The following SMARCA1 variants were observed in gnomAD, a reference collection of about 807,000 sequenced individuals.
SMARCA1 encodes the protein SNF2 related chromatin remodeling ATPase 1.
SMARCA1 carries 17 observed loss-of-function variants against 93.6 expected under a neutral mutation model. The observed-to-expected ratio is 0.18, with a 90% confidence interval of 0.12 to 0.27. The LOEUF (loss-of-function observed/expected upper bound fraction) is 0.27, where lower values mean the gene tolerates loss of function less well. SMARCA1 is among the 10% of genes least tolerant of loss of function. The pLI, the probability that SMARCA1 is intolerant of heterozygous loss-of-function variation, is 1.00. For missense variants in SMARCA1, 630 were observed against 819.0 expected (o/e 0.77, Z 2.82); for synonymous variants, 271 against 271.4 (o/e 1.00, Z 0.01).
intron 12 of SMARCA1, among the ~76,000 whole-genome samples, chrX:129,496,343 A>C (rs1345469109): frequency 9.2e-6 from 1 of 108,896 alleles, no homozygotes; most frequent in Non-Finnish European, 1.9e-5. Flanking sequence ...AGGGTTGCTT[A>C]TAAACTGGCA....
intron 21 of SMARCA1, among the ~76,000 whole-genome samples, chrX:129,467,121 T>C (rs1175168217): frequency 3.6e-5 from 4 of 112,211 alleles, no homozygotes; most frequent in African/African-American, 1.3e-4. Flanking sequence ...ACACTTGCTA[T>C]GTACAGGATA....
chrX:129,481,374 A>T (rs749522084), intron 17 of SMARCA1, among the ~76,000 whole-genome samples, 189 bp from the exon 18 acceptor site: 17 of 112,628 alleles, frequency 1.5e-4, no homozygotes, highest in Admixed American at 1.1e-3. Context: ...AGATGCAAAG[A>T]CAGTTTTCTT....
At position 129,470,431 on chromosome X, in the gene SMARCA1, C is replaced by A. The variant is rs1208338614; in HGVS notation, c.2565+773G>T. 2.7e-5 allele frequency among the ~76,000 whole-genome samples: 3 copies of A among 110,687 alleles called. No homozygotes were observed. The East Asian group carries it at 8.3e-4, about 31-fold the overall frequency. ...AATAATAAAAGCTTCAGAAATCTCT[C>A]ATCATTGTATGAAAATTATAAAAAA... On this transcript the variant is annotated intron_variant, in intron 20 of 24. Transcript: ENST00000371121.
chrX:129,459,874 G>A (rs1932776288), intron 23 of SMARCA1, among the ~76,000 whole-genome samples: 1 of 112,044 alleles, frequency 8.9e-6, no homozygotes, highest in Non-Finnish European at 1.9e-5. Flanking sequence ...TTGTGGCCGG[G>A]CACAGTGGCT....
chrX:129,471,162 A>T (rs933677081), intron 20 of SMARCA1, 42 bp downstream of exon 20: 1 of 1,094,996 alleles, frequency 9.1e-7, no homozygotes, highest in African/African-American at 1.9e-5. Context: ...CTTTTTTTCT[A>T]TTGATTGACT....
chrX:129,492,861 G>A (rs1934180649), intron 13 of SMARCA1, among the ~76,000 whole-genome samples, 179 bp downstream of exon 13: 1 of 111,054 alleles, frequency 9.0e-6, no homozygotes, highest in Middle Eastern at 4.3e-3. Context: ...TCAAATAAAT[G>A]CAAACTAAAA....
rs760471373 is a variant in SMARCA1 at position 129,513,752 on chromosome X, G to C, written c.631-1769C>G. ...CTCCTCCCCCTCTGAGCTGACAACA[G>C]TCTTCAAACTAGAATACCTAAATAT... On this transcript the variant is annotated intron_variant, in intron 5 of 24. Coordinates refer to ENST00000371121, the MANE Select transcript of SMARCA1 (RefSeq NM_001282874.2). Among the ~76,000 whole-genome samples the C allele has an allele frequency of 4.6e-5, 5 of 109,551 alleles. No homozygotes were observed. The South Asian group carries it at 1.9e-3, about 42-fold the overall frequency.
chrX:129,504,703 T>C, intron 9 of SMARCA1, 31 bp downstream of exon 9: 2 of 1,026,286 alleles, frequency 1.9e-6, no homozygotes, highest in African/African-American at 3.7e-5. Flanking sequence ...TACTATTTAA[T>C]TACTGAATGT....
At chrX:129,495,774 CTT>C (rs752253528) in intron 12 of SMARCA1, among the ~76,000 whole-genome samples, 4 of 97,772 alleles carry the variant, frequency 4.1e-5, no homozygotes, top group Non-Finnish European at 4.2e-5. Context: ...AAGAACCTAT[CTT>C]TTTTTTTTTT....
chrX:129,489,313 G>A (rs1315177791), intron 15 of SMARCA1, among the ~76,000 whole-genome samples: 1 of 111,899 alleles, frequency 8.9e-6, no homozygotes, highest in Non-Finnish European at 1.9e-5. Flanking sequence ...AACCCAGAAG[G>A]ACAGAAACTT....
intron 9 of SMARCA1, among the ~76,000 whole-genome samples, chrX:129,503,671 T>A (rs141313231): frequency 3.6e-5 from 4 of 111,182 alleles, no homozygotes; most frequent in African/African-American, 1.3e-4. Flanking sequence ...GATCAAAGAA[T>A]AGAAAGTTGG....
At chrX:129,497,697 C>T (rs1934389463) in intron 11 of SMARCA1, 148 bp downstream of exon 11, 1 of 447,574 alleles carries the variant, frequency 2.2e-6, no homozygotes, top group African/African-American at 2.5e-5. Flanking sequence ...CATCTTTGTA[C>T]ACCCAGCCTG....
chrX:129,472,837 C>T lies in SMARCA1; in HGVS notation c.2443-1511G>A, dbSNP rs148737406. Among the ~76,000 whole-genome samples the T allele has an allele frequency of 6.3e-4, 70 of 111,791 alleles. No homozygotes were observed. In the East Asian group the frequency reaches 0.012, roughly 19 times the overall value. The stretch of plus-strand genomic sequence containing the variant: ...TCCAATGAGCAGCATTTCCTTTGGA[C>T]GCAATGTCAGAGCTCAAAAAGTTTT... On this transcript the variant is annotated intron_variant, in intron 19 of 24. Transcript: ENST00000371121.
chrX:129,523,095 G>C, intron 1 of SMARCA1, 102 bp downstream of exon 1: 4 of 969,879 alleles, frequency 4.1e-6, no homozygotes, highest in Non-Finnish European at 5.6e-6. Flanking sequence ...GCCCCGCAAA[G>C]CTCCGCGGGT....
intron 15 of SMARCA1, among the ~76,000 whole-genome samples, chrX:129,489,706 C>T (rs1343913744): frequency 4.5e-5 from 5 of 111,353 alleles, no homozygotes; most frequent in African/African-American, 1.3e-4. Context: ...TACTGGTGCA[C>T]GCCACCACAC....
chrX:129,512,126 A>C (rs2124335859), intron 5 of SMARCA1, 143 bp from the exon 6 acceptor site: 1 of 462,181 alleles, frequency 2.2e-6, no homozygotes, highest in African/African-American at 2.4e-5. Context: ...AAAAATACCA[A>C]ATACCTTTTT....
Position 129,476,073 on chromosome X carries a change from C to T in SMARCA1, c.2442+4628G>A, listed in dbSNP as rs145522985. On this transcript the variant is annotated intron_variant, in intron 19 of 24. Transcript: ENST00000371121. ...ATTCCAGGTTTTAGACTCAATGGAA[C>T]GTCCAGATATTCTGGATTTTTTATG... Among the ~76,000 whole-genome samples, 33 of 112,207 alleles carry T rather than the reference C, an allele frequency of 2.9e-4. No homozygotes were observed. In the East Asian group the frequency reaches 8.6e-3, roughly 29 times the overall value.
intron 23 of SMARCA1, among the ~76,000 whole-genome samples, chrX:129,465,173 G>C (rs1048241785): frequency 1.7e-4 from 19 of 111,509 alleles, no homozygotes; most frequent in African/African-American, 5.2e-4. Context: ...GGTTATGTAA[G>C]AAAATGTCAT....
rs907348200 is a variant in SMARCA1, at chrX:129,490,205, G to T, written c.1816-13C>A. ...GATGTGCTCGATCCTAGTAGAAAGA[G>T]TTCTAATGTAAGATATTGGATATTC... On this transcript the variant is annotated splice_polypyrimidine_tract_variant and intron_variant, in intron 14 of 24. Coordinates refer to ENST00000371121, the MANE Select transcript of SMARCA1 (RefSeq NM_001282874.2). 1.7e-6 allele frequency: 2 copies of T among 1,143,331 alleles called. No individual in the cohort carries two copies. The highest frequency in any genetic ancestry group is 3.6e-5 in the African/African-American group (2 of 55,493). 94.2% of individuals were successfully genotyped at this position (1,143,331 alleles called of 1,213,427 possible). A position where few individuals can be genotyped will look rare whatever the true frequency, so the allele number is the denominator to read the frequency against.
Sources: allele counts gnomAD v4.1 joint callset (sites outside exome capture counted in the v4.1 genomes callset), GRCh38; gene constraint gnomAD v4.1.1; transcripts MANE v1.5; gene names NCBI Gene and HGNC (gene_info 2026-07-23, HGNC 2026-07-21).